The following PLEKHA5 variants were observed in gnomAD, a reference collection of about 807,000 sequenced individuals.
The protein encoded by PLEKHA5 is pleckstrin homology domain containing A5.
In PLEKHA5, 55 loss-of-function variants were observed where a neutral mutation model predicts 181.9. The ratio of observed to expected loss-of-function variants is 0.30; its 90% CI spans 0.24 to 0.38. The LOEUF (loss-of-function observed/expected upper bound fraction) is 0.38, where lower values mean the gene tolerates loss of function less well. Among genes scored for constraint, PLEKHA5 ranks in the 10% least tolerant of loss-of-function variants. The probability of loss-of-function intolerance (pLI) is 1.00; values close to 1 mark genes in which losing one functional copy is unlikely to be tolerated. For synonymous variants in PLEKHA5, 535 were observed against 529.4 expected (o/e 1.01, Z -0.15); for missense variants, 1,432 against 1,549.5 (o/e 0.92, Z 1.27).
rs938925830 is a variant in PLEKHA5 at position 19,257,584 on chromosome 12, A to C, written c.537+47A>C. ...GAAACAAAAGACAGAATTAGAAGGA[A>C]CCTTTTAAACTGAATGTACCTAAGA... is the stretch of plus-strand genomic sequence containing the variant. On this transcript the variant is annotated intron_variant, in intron 6 of 31. Transcript: ENST00000429027. The C allele has an allele frequency of 9.3e-6, 9 of 963,540 alleles. No individual in the cohort carries two copies. In the African/African-American group the frequency reaches 1.2e-4, roughly 12 times the overall value. 59.7% of individuals were successfully genotyped at this position (963,540 alleles called of 1,614,324 possible). A position where few individuals can be genotyped will look rare whatever the true frequency, so the allele number is the denominator to read the frequency against.
At chr12:19,205,187 C>T (rs1346211313) in intron 3 of PLEKHA5, 1 of 154,808 alleles carries the variant, frequency 6.5e-6, no homozygotes, top group Admixed American at 6.6e-5. Context: ...GCAGCTTTCT[C>T]AGTTTATTTG....
intron 21 of PLEKHA5, among the ~76,000 whole-genome samples, chr12:19,341,627 A>G (rs2093935582): frequency 6.6e-6 from 1 of 152,086 alleles, no homozygotes; most frequent in Non-Finnish European, 1.5e-5. Context: ...TTGGAGCAGC[A>G]TTAATTCATA....
At chr12:19,331,110 C>T (rs997969780) in intron 20 of PLEKHA5, among the ~76,000 whole-genome samples, 2 of 151,998 alleles carry the variant, frequency 1.3e-5, no homozygotes, top group African/African-American at 4.8e-5. Flanking sequence ...AGTTTATTAG[C>T]TCTAAGAATA....
intron 7 of PLEKHA5, among the ~76,000 whole-genome samples, chr12:19,262,018 C>T (rs373164410): frequency 3.9e-5 from 6 of 152,148 alleles, no homozygotes; most frequent in South Asian, 2.1e-4. Context: ...GCTGCAATTG[C>T]GGTGTTGTCT....
At chr12:19,141,524 C>T (rs1312944429) in intron 3 of PLEKHA5, among the ~76,000 whole-genome samples, 2 of 152,150 alleles carry the variant, frequency 1.3e-5, no homozygotes, top group African/African-American at 4.8e-5. Flanking sequence ...TGCCTAAAGG[C>T]CAGGGAGACC....
chr12:19,372,880 G>C (rs549011984), intron 31 of PLEKHA5: 1 of 150,632 alleles, frequency 6.6e-6, no homozygotes, highest in Non-Finnish European at 1.5e-5. Context: ...ATCCTCCCAC[G>C]ACAGCCTCCC....
At chr12:19,155,393 T>C (rs555634129) in intron 3 of PLEKHA5, among the ~76,000 whole-genome samples, 2 of 152,274 alleles carry the variant, frequency 1.3e-5, no homozygotes, top group African/African-American at 4.8e-5. Flanking sequence ...GAAAGCTAGA[T>C]TTTTCTATTA....
chr12:19,345,871 G>A lies in PLEKHA5; in HGVS notation c.2692G>A (p.Val898Ile), dbSNP rs753041456. The A allele has an allele frequency of 1.5e-5, 23 of 1,488,046 alleles. No homozygotes were observed. The Admixed American group carries it at 2.6e-4, about 17-fold the overall frequency. The allele number at this position is 1,488,046 out of a possible 1,614,324, so 92.2% of individuals were successfully genotyped here. A position where few individuals can be genotyped will look rare whatever the true frequency, so the allele number is the denominator to read the frequency against. Residue 898 changes from valine (V) to isoleucine (I), a missense_variant, in exon 23 of 32, where the codon GTT (valine) becomes ATT (isoleucine). Val to Ile is a conservative substitution (Grantham distance 29, BLOSUM62 3). Coordinates refer to ENST00000429027, the MANE Select transcript of PLEKHA5 (RefSeq NM_001256470.2). ...GMIGSKPFST[V>I]KYKNEEEEVV... The stretch of plus-strand genomic sequence containing the variant: ...GATAGGATCAAAGCCTTTCTCAACA[G>A]TTAAGTACAAAAATGAGGTAAGTTT...
At chr12:19,298,916 G>A (rs925356196) in intron 15 of PLEKHA5, among the ~76,000 whole-genome samples, 2 of 152,160 alleles carry the variant, frequency 1.3e-5, no homozygotes, top group African/African-American at 4.8e-5. Flanking sequence ...CGGAAAAGAG[G>A]ATAACACATA....
chr12:19,246,640 A>G (rs7975111), intron 3 of PLEKHA5, among the ~76,000 whole-genome samples: 8,218 of 151,354 alleles, frequency 0.054, 389 homozygotes, highest in African/African-American at 0.12. Context: ...ACAATCTAGT[A>G]CATTTAGTAC....
intron 3 of PLEKHA5, chr12:19,200,818 A>C (rs1283679449): frequency 2.7e-6 from 1 of 369,150 alleles, no homozygotes; most frequent in East Asian, 1.7e-4. Context: ...AGCATAAAAA[A>C]TTTTTAAAAC....
chr12:19,187,848 A>C (rs1032022331), intron 3 of PLEKHA5, among the ~76,000 whole-genome samples: 1 of 152,234 alleles, frequency 6.6e-6, no homozygotes, highest in African/African-American at 2.4e-5. Flanking sequence ...GACCATTTTA[A>C]TATTTTTTAA....
chr12:19,153,374 T>C (rs1031386570), intron 3 of PLEKHA5: 2 of 152,220 alleles, frequency 1.3e-5, no homozygotes, highest in East Asian at 3.8e-4. Context: ...CCATTAATGG[T>C]AAATCTTACA....
intron 3 of PLEKHA5, among the ~76,000 whole-genome samples, chr12:19,220,618 G>C (rs2058798337): frequency 1.3e-5 from 2 of 152,168 alleles, no homozygotes; most frequent in Non-Finnish European, 2.9e-5. Context: ...AAGAGATTGT[G>C]ACCTTTGGGT....
At chr12:19,168,734 G>A (rs941771570) in intron 3 of PLEKHA5, among the ~76,000 whole-genome samples, 3 of 149,672 alleles carry the variant, frequency 2.0e-5, no homozygotes, top group Non-Finnish European at 4.4e-5. Flanking sequence ...TAATAATAAT[G>A]GATAATACTG....
intron 8 of PLEKHA5, among the ~76,000 whole-genome samples, chr12:19,268,790 T>C (rs1278897628): frequency 3.9e-5 from 6 of 152,304 alleles, no homozygotes; most frequent in African/African-American, 1.2e-4. Flanking sequence ...GTGGTCTTTA[T>C]TTTTCCAAAA....
At chr12:19,152,396 G>C (rs1039202517) in intron 3 of PLEKHA5, 1 of 152,158 alleles carries the variant, frequency 6.6e-6, no homozygotes, top group African/African-American at 2.4e-5. Context: ...TTTGACTCTA[G>C]GCTCATAGAT....
chr12:19,310,657 C>T (rs2086163057), intron 15 of PLEKHA5, among the ~76,000 whole-genome samples: 1 of 151,796 alleles, frequency 6.6e-6, no homozygotes, highest in Non-Finnish European at 1.5e-5. Flanking sequence ...TAGCTCTCGC[C>T]TATAATCCCA....
chr12:19,372,829 A>G (rs563410849), intron 31 of PLEKHA5: 6 of 147,748 alleles, frequency 4.1e-5, no homozygotes, highest in African/African-American at 1.3e-4. Flanking sequence ...ACTGGAGTGC[A>G]ATGGTGAGAT....
Sources: gnomAD v4.1 joint callset for allele counts (sites outside exome capture counted in the v4.1 genomes callset) on GRCh38, gnomAD v4.1.1 for gene constraint, MANE v1.5 for transcripts, NCBI Gene and HGNC (gene_info 2026-07-23, HGNC 2026-07-21) for gene names.